Variants in CHL1 observed in about 807,000 individuals in gnomAD.
CHL1 encodes the protein neural cell adhesion molecule L1-like protein.
In CHL1, 96 loss-of-function variants were observed where a neutral mutation model predicts 141.9. The ratio of observed to expected loss-of-function variants is 0.68; its 90% confidence interval spans 0.57 to 0.80. The LOEUF (loss-of-function observed/expected upper bound fraction) is 0.80, where lower values mean the gene tolerates loss of function less well. CHL1 is among the 30% of genes least tolerant of loss of function. CHL1 has a pLI of 0.00. For synonymous variants in CHL1, 613 were observed against 502.2 expected (o/e 1.22, Z -2.95); for missense variants, 1,820 against 1,457.2 (o/e 1.25, Z -4.05).
chr3:311,368 T>C (rs1456199164), intron 2 of CHL1, among the ~76,000 whole-genome samples: 1 of 151,538 alleles, frequency 6.6e-6, no homozygotes, highest in South Asian at 2.1e-4. Flanking sequence ...ACACAACTTT[T>C]TTTTTTTTTT....
At chr3:242,365 G>GGT (rs1559324751) in intron 1 of CHL1, among the ~76,000 whole-genome samples, 1 of 145,722 alleles carries the variant, frequency 6.9e-6, no homozygotes, top group Non-Finnish European at 1.5e-5. Flanking sequence ...GGGAGGCTGA[G>GGT]GGGGGCAGAT....
intron 2 of CHL1, among the ~76,000 whole-genome samples, chr3:245,750 T>C (rs1455240642): frequency 6.6e-6 from 1 of 152,128 alleles, no homozygotes; most frequent in Admixed American, 6.6e-5. Context: ...TATGGGTTAC[T>C]GTTAGCATAC....
In CHL1 at chr3:389,312, C is replaced by A. The variant is rs1708035853; in HGVS notation, c.2308C>A (p.Gln770Lys). 6.2e-7 allele frequency: 1 copy of A among 1,614,030 alleles called. No homozygotes were observed. Among genetic ancestry groups the A allele is most frequent in the Non-Finnish European group, 8.5e-7 (1 of 1,180,034 alleles). ...GLEYRVTWKP[Q>K]GAPVEWEEET... ...AGAGTACAGAGTGACCTGGAAGCCA[C>A]AGGGAGCCCCAGTGGAGTGGGAAGA... Residue 770 changes from glutamine to lysine, a missense_variant, in exon 20 of 28, where the codon CAG becomes AAG. Gln to Lys is a moderately conservative substitution (Grantham distance 53, BLOSUM62 1). Transcript: ENST00000256509.
chr3:270,051 A>AG (rs561228777), intron 2 of CHL1, among the ~76,000 whole-genome samples: 143 of 152,302 alleles, frequency 9.4e-4, no homozygotes, highest in African/African-American at 3.1e-3. Context: ...CTAAAGAGGA[A>AG]GGGGGAATCA....
chr3:324,510 T>C (rs542875477), intron 3 of CHL1, among the ~76,000 whole-genome samples: 4 of 152,262 alleles, frequency 2.6e-5, no homozygotes, highest in African/African-American at 9.6e-5. Flanking sequence ...TTAATCCAAG[T>C]TGTATTTCCA....
rs556965928 is a variant in CHL1, at chr3:203,437, G to A, written c.-175+6374G>A. Among the ~76,000 whole-genome samples the A allele has an allele frequency of 4.0e-4, 61 of 152,292 alleles. 1 individual carries two copies. The South Asian group carries it at 0.011, about 26-fold the overall frequency. On this transcript the variant is annotated intron_variant, in intron 1 of 27. Coordinates refer to ENST00000256509, the MANE Select transcript of CHL1 (RefSeq NM_006614.4). Reference sequence around the variant, plus strand: ...TGATGTTCTTGAAAGACATATCTTCGCTGGGTAAAACATGGCTTCCTCTCA... The same window carrying A: ...TGATGTTCTTGAAAGACATATCTTCACTGGGTAAAACATGGCTTCCTCTCA...
At chr3:317,867 A>T (rs960805764) in intron 2 of CHL1, among the ~76,000 whole-genome samples, 1 of 151,906 alleles carries the variant, frequency 6.6e-6, no homozygotes, top group Non-Finnish European at 1.5e-5. Context: ...AACTCATTTC[A>T]TCAGAAGAGT....
At chr3:280,753 TTTGG>T (rs1285732222) in intron 2 of CHL1, among the ~76,000 whole-genome samples, 2 of 152,122 alleles carry the variant, frequency 1.3e-5, no homozygotes, top group Non-Finnish European at 2.9e-5. Context: ...ATAGGAAAAA[TTTGG>T]TTGGTTGGGT....
At chr3:257,017 G>T (rs1315528040) in intron 2 of CHL1, among the ~76,000 whole-genome samples, 2 of 152,076 alleles carry the variant, frequency 1.3e-5, no homozygotes, top group Non-Finnish European at 2.9e-5. Context: ...GATTTTCCAT[G>T]GTGTCTCACA....
chr3:219,271 C>T (rs528976093), intron 1 of CHL1, among the ~76,000 whole-genome samples: 1 of 152,228 alleles, frequency 6.6e-6, no homozygotes, highest in African/African-American at 2.4e-5. Context: ...GTGGTGACTC[C>T]TCAAAGACCT....
chr3:318,344 G>C (rs144306494), intron 2 of CHL1, among the ~76,000 whole-genome samples: 1 of 151,774 alleles, frequency 6.6e-6, no homozygotes, highest in Non-Finnish European at 1.5e-5. Context: ...TACTATCTCT[G>C]TGTTAGCTAA....
chr3:361,442 A>G (rs984841537), intron 12 of CHL1, among the ~76,000 whole-genome samples: 29 of 149,494 alleles, frequency 1.9e-4, no homozygotes, highest in African/African-American at 6.4e-4. Context: ...GCAACCTACA[A>G]AATGGGAGAA....
In CHL1 at chr3:211,441, A is replaced by T. The variant is rs148002190; in HGVS notation, c.-175+14378A>T. Among the ~76,000 whole-genome samples, 9 of 152,274 alleles carry T rather than the reference A, an allele frequency of 5.9e-5. No homozygotes were observed. The South Asian group carries it at 1.5e-3, about 25-fold the overall frequency. Reference sequence around the variant, plus strand: ...TCTTGAGCTGCTTATTCCTCTCCAAATTCTCTCTGAAAGTGGATGAAGAAC... The same window carrying T: ...TCTTGAGCTGCTTATTCCTCTCCAATTTCTCTCTGAAAGTGGATGAAGAAC... On this transcript the variant is annotated intron_variant, in intron 1 of 27. Coordinates refer to ENST00000256509, the MANE Select transcript of CHL1 (RefSeq NM_006614.4).
At chr3:206,605 T>TC (rs1699470463) in intron 1 of CHL1, among the ~76,000 whole-genome samples, 1 of 151,756 alleles carries the variant, frequency 6.6e-6, no homozygotes, top group African/African-American at 2.4e-5. Context: ...CCAGGTGTGG[T>TC]CGGGCATGCC....
At chr3:375,013 C>T (rs955526557) in intron 15 of CHL1, among the ~76,000 whole-genome samples, 1 of 152,024 alleles carries the variant, frequency 6.6e-6, no homozygotes, top group African/African-American at 2.4e-5. Flanking sequence ...TGGGAACTGC[C>T]ACTCTGAACC....
intron 9 of CHL1, among the ~76,000 whole-genome samples, chr3:348,584 T>G (rs767854616): frequency 5.9e-5 from 9 of 152,238 alleles, no homozygotes; most frequent in Non-Finnish European, 1.3e-4. Context: ...CCCAGTCCTT[T>G]TTTCCTCCTT....
intron 2 of CHL1, among the ~76,000 whole-genome samples, chr3:255,582 A>C (rs448974): frequency 0.17 from 25,183 of 152,040 alleles, 2,342 homozygotes; most frequent in East Asian, 0.39. Flanking sequence ...AAGCATTTTT[A>C]TTCTATTTTG....
intron 15 of CHL1, among the ~76,000 whole-genome samples, chr3:368,650 A>G (rs1705211579): frequency 6.6e-6 from 1 of 152,116 alleles, no homozygotes; most frequent in Admixed American, 6.6e-5. Context: ...TGCCATTTTC[A>G]TCATGAAGTC....
intron 23 of CHL1, among the ~76,000 whole-genome samples, chr3:393,545 T>C (rs1166334646): frequency 6.6e-6 from 1 of 152,066 alleles, no homozygotes; most frequent in Admixed American, 6.5e-5. Flanking sequence ...ATTGAACTGC[T>C]TGATATGTGT....
Sources: gnomAD v4.1 joint callset for allele counts (sites outside exome capture counted in the v4.1 genomes callset) on GRCh38, gnomAD v4.1.1 for gene constraint, MANE v1.5 for transcripts, NCBI Gene and HGNC (gene_info 2026-07-23, HGNC 2026-07-21) for gene names.